Variants in ZBTB40 observed in about 807,000 individuals in gnomAD.
The protein encoded by ZBTB40 is zinc finger and BTB domain containing 40.
ZBTB40 carries 60 observed loss-of-function variants against 117.5 expected under a neutral mutation model. That is an observed-to-expected ratio of 0.51 (90% CI 0.41 to 0.63). ZBTB40 has a LOEUF of 0.63. Among genes scored for constraint, ZBTB40 ranks in the 30% least tolerant of loss-of-function variants. ZBTB40 has a pLI of 0.00. For synonymous variants in ZBTB40, 525 were observed against 577.1 expected, an observed-to-expected ratio of 0.91 and a Z score of 1.29; for missense variants, 1,287 against 1,498.5, an observed-to-expected ratio of 0.86 and a Z score of 2.33.
At chr1:22,517,254 C>G (rs774213844) in intron 12 of ZBTB40, 46 bp from the exon 13 acceptor site, 1 of 1,611,270 alleles carries the variant, frequency 6.2e-7, no homozygotes, top group South Asian at 1.1e-5. Flanking sequence ...GTAGCAATGC[C>G]ATAAATTTTT....
chr1:22,486,605 C>G (rs1008157304), intron 1 of ZBTB40, among the ~76,000 whole-genome samples: 2 of 152,142 alleles, frequency 1.3e-5, no homozygotes, highest in Non-Finnish European at 2.9e-5. Flanking sequence ...TGAGTCCCCC[C>G]CAGAGTTTTT....
At chr1:22,441,072 T>C (rs1244080711) in intron 1 of ZBTB40, among the ~76,000 whole-genome samples, 2 of 152,218 alleles carry the variant, frequency 1.3e-5, no homozygotes, top group African/African-American at 4.8e-5. Context: ...GTTCTTTTCA[T>C]GTTTGGTAAA....
At chr1:22,493,239 C>A (rs1456587058) in intron 3 of ZBTB40, among the ~76,000 whole-genome samples, 1 of 152,122 alleles carries the variant, frequency 6.6e-6, no homozygotes, top group African/African-American at 2.4e-5. Flanking sequence ...TCATTATAGG[C>A]TTATGTTATT....
upstream of ZBTB40, among the ~76,000 whole-genome samples, chr1:22,449,430 C>T (rs1352154829): frequency 6.6e-6 from 1 of 152,152 alleles, no homozygotes; most frequent in East Asian, 1.9e-4. Context: ...CTTATTCTTC[C>T]ATATCATGAC....
Position 22,502,428 on chromosome 1 carries a change from G to A in ZBTB40, c.1154G>A (p.Gly385Asp). 1.9e-6 allele frequency: 3 copies of A among 1,613,924 alleles called. No homozygotes were observed. Among genetic ancestry groups the A allele is most frequent in the Non-Finnish European group, 2.5e-6 (3 of 1,179,900 alleles). The change falls in exon 5 of 18, where the codon GGC becomes GAC. Residue 385 changes from glycine to aspartate, a missense_variant. This residue lies in a region of ZBTB40 where 870 missense variants were observed against 934.4 expected (regional missense o/e 0.93). Coordinates refer to ENST00000375647, the MANE Select transcript of ZBTB40 (RefSeq NM_014870.4). ...ACAGCCAAGGAGGAATTCCTGACTGGCACTGAAAAAAGGGTAACTGTGTCA... is the reference window on the plus strand; with the variant it reads ...ACAGCCAAGGAGGAATTCCTGACTGACACTGAAAAAAGGGTAACTGTGTCA... ...LETAKEEFLTGTEKRVILNCC... is the reference protein window; with the variant it reads ...LETAKEEFLTDTEKRVILNCC...
At chr1:22,523,734 A>C (rs939529902) in intron 16 of ZBTB40, among the ~76,000 whole-genome samples, 14 of 152,202 alleles carry the variant, frequency 9.2e-5, no homozygotes, top group Non-Finnish European at 2.1e-4. Flanking sequence ...GTTTCTTCCA[A>C]GCCGTGGATG....
At chr1:22,488,696 T>C (rs1638540837) in intron 1 of ZBTB40, among the ~76,000 whole-genome samples, 1 of 152,168 alleles carries the variant, frequency 6.6e-6, no homozygotes, top group East Asian at 1.9e-4. Flanking sequence ...ACTTTGACTT[T>C]TACTCTAAGA....
chr1:22,506,894 A>G (rs1266389625), intron 6 of ZBTB40, among the ~76,000 whole-genome samples: 1 of 152,148 alleles, frequency 6.6e-6, no homozygotes, highest in African/African-American at 2.4e-5. Flanking sequence ...GCCAATATTA[A>G]CACCTTGACA....
At chr1:22,475,379 A>T (rs889570655) in intron 1 of ZBTB40, among the ~76,000 whole-genome samples, 2 of 152,066 alleles carry the variant, frequency 1.3e-5, no homozygotes, top group African/African-American at 4.8e-5. Flanking sequence ...GTTTTTGGAG[A>T]TCTACCTCTG....
rs1362258775 is a variant in ZBTB40, at chr1:22,490,207, A to G, written c.259A>G (p.Lys87Glu). 2 of 1,614,060 alleles carry G rather than the reference A, an allele frequency of 1.2e-6. No individual in the cohort carries two copies. Among genetic ancestry groups the G allele is most frequent in the Non-Finnish European group, 1.7e-6 (2 of 1,180,032 alleles). Residue 87 changes from lysine to glutamate, a missense_variant, in exon 2 of 18, where the codon AAG becomes GAG. By Grantham distance (56) the Lys-to-Glu change is moderately conservative. Coordinates refer to ENST00000375647, the MANE Select transcript of ZBTB40 (RefSeq NM_014870.4). ...GTACACGGGCAAACTACCTGTGGGCAAGCACAACTTCTCCAAAATCATCTC... is the reference window on the plus strand; with the variant it reads ...GTACACGGGCAAACTACCTGTGGGCGAGCACAACTTCTCCAAAATCATCTC... ...MMYTGKLPVG[K>E]HNFSKIISLA...
rs751862576 is a variant in ZBTB40, at chr1:22,526,202, G to A, written c.3526G>A (p.Val1176Met). The A allele has an allele frequency of 6.8e-6, 11 of 1,614,134 alleles. No homozygotes were observed. The Admixed American group carries it at 1.5e-4, about 22-fold the overall frequency. The change falls in exon 18 of 18, where the codon GTG becomes ATG. Residue 1176 changes from valine (V) to methionine (M), a missense_variant and splice_region_variant. Physicochemically the swap from Val to Met is conservative, Grantham distance 21 (BLOSUM62 1). This residue lies in a region of ZBTB40 where 417 missense variants were observed against 564.1 expected (regional missense o/e 0.74). Transcript: ENST00000375647. ...CAGCCTCACGGTCTTTCTCTTTCAG[G>A]TGATCCAAACCCCAGAGCCGGTGGC... is the stretch of plus-strand genomic sequence containing the variant. ...TQAAASQMAQ[V>M]IQTPEPVAPT...
Position 22,491,452 on chromosome 1 carries a change from C to T in ZBTB40, c.750C>T (p.Val250=), listed in dbSNP as rs767624857. 1 of 1,613,926 alleles carries T rather than the reference C, an allele frequency of 6.2e-7. No individual in the cohort carries two copies. Among genetic ancestry groups the T allele is most frequent in the South Asian group, 1.1e-5 (1 of 91,076 alleles). ...ATTTTCTTCTAGAAAATGAAGGTGT[C>T]TTCTCAGATGCACTCATGGTTACCC... is the stretch of plus-strand genomic sequence containing the variant. The part of the protein sequence containing the change: ...QLNFLLENEG[V]FSDALMVTQD... The change falls in exon 3 of 18, where the codon GTC becomes GTT. Residue 250 remains valine (V), a synonymous_variant. Transcript: ENST00000375647.
intron 1 of ZBTB40, among the ~76,000 whole-genome samples, chr1:22,479,450 T>A (rs775694864): frequency 2.0e-5 from 3 of 152,216 alleles, no homozygotes; most frequent in Non-Finnish European, 2.9e-5. Context: ...AAATACTTGG[T>A]TGATTGGTGT....
chr1:22,458,842 C>T (rs55691792), intron 1 of ZBTB40, among the ~76,000 whole-genome samples: 44,601 of 152,128 alleles, frequency 0.29, 7,493 homozygotes, highest in Non-Finnish European at 0.39. Flanking sequence ...CCACCTGCCT[C>T]GGCCTCCCAA....
At chr1:22,492,862 C>A (rs1049008150) in intron 3 of ZBTB40, among the ~76,000 whole-genome samples, 1 of 152,166 alleles carries the variant, frequency 6.6e-6, no homozygotes, top group Non-Finnish European at 1.5e-5. Context: ...TTTGCACTTG[C>A]GTGTTCTCTT....
intron 1 of ZBTB40, among the ~76,000 whole-genome samples, chr1:22,440,922 A>G (rs1237519204): frequency 6.6e-6 from 1 of 152,132 alleles, no homozygotes; most frequent in Non-Finnish European, 1.5e-5. Context: ...CATAATGGAT[A>G]TTAGTCTATA....
intron 1 of ZBTB40, among the ~76,000 whole-genome samples, chr1:22,474,438 A>G (rs1641506882): frequency 6.6e-6 from 1 of 152,236 alleles, no homozygotes; most frequent in Non-Finnish European, 1.5e-5. Context: ...ATCTGGGCCT[A>G]CTAAAAGCTA....
intron 12 of ZBTB40, among the ~76,000 whole-genome samples, chr1:22,514,612 C>T (rs1191814176): frequency 6.6e-6 from 1 of 152,228 alleles, no homozygotes. Context: ...CTTACTCACA[C>T]TTACCTTCTC....
At chr1:22,440,132 T>C (rs1275880103) in intron 1 of ZBTB40, among the ~76,000 whole-genome samples, 1 of 152,224 alleles carries the variant, frequency 6.6e-6, no homozygotes, top group Non-Finnish European at 1.5e-5. Flanking sequence ...TCATTGTTAA[T>C]ATATAGAAAT....
Sources: gnomAD v4.1 joint callset for allele counts (sites outside exome capture counted in the v4.1 genomes callset) on GRCh38, gnomAD v4.1.1 for gene constraint, gnomAD v4.1.1 regional missense constraint, MANE v1.5 for transcripts, NCBI Gene and HGNC (gene_info 2026-07-23, HGNC 2026-07-21) for gene names.